SHLD2: variants seen among roughly 807,000 people sequenced by gnomAD.
The protein encoded by SHLD2 is shieldin complex subunit 2.
In SHLD2, 30 loss-of-function variants were observed where a neutral mutation model predicts 73.2. The observed-to-expected ratio is 0.41, with a 90% confidence interval of 0.31 to 0.56. The LOEUF (loss-of-function observed/expected upper bound fraction) is 0.56. Ranked by LOEUF, SHLD2 falls within the 20% of genes least tolerant of loss-of-function variation. SHLD2 has a pLI of 0.28. For missense variants in SHLD2, 745 were observed against 1,055.9 expected, an observed-to-expected ratio of 0.71 and a Z score of 4.08; for synonymous variants, 285 against 370.1, an observed-to-expected ratio of 0.77 and a Z score of 2.64.
intron 2 of SHLD2, among the ~76,000 whole-genome samples, chr10:87,146,639 C>T (rs4934305): frequency 0.14 from 21,073 of 151,418 alleles, 1,649 homozygotes; most frequent in Admixed American, 0.26. Flanking sequence ...TTAGTGTTAA[C>T]TGTATTTTAT....
Position 87,190,552 on chromosome 10 carries a change from G to T in SHLD2, c.2584G>T (p.Ala862Ser). Residue 862 changes from alanine to serine, a missense_variant, in exon 10 of 10, where the codon GCA becomes TCA. This residue lies in a region of SHLD2 where 418 missense variants were observed against 567.8 expected (regional missense o/e 0.74). Coordinates refer to ENST00000298786, the MANE Select transcript of SHLD2 (RefSeq NM_001330112.2). Reference sequence around the variant, plus strand: ...GTTCCACTCCTTGTTGGCAGTCAGCGCAGAACCTTGTGTATTAAAGATTCA... The same window carrying T: ...GTTCCACTCCTTGTTGGCAGTCAGCTCAGAACCTTGTGTATTAAAGATTCA... ...DLFHSLLAVS[A>S]EPCVLKIQSL... 6.2e-7 allele frequency: 1 copy of T among 1,611,908 alleles called. No individual in the cohort carries two copies. The highest frequency in any genetic ancestry group is 8.5e-7 in the Non-Finnish European group (1 of 1,179,812).
intron 2 of SHLD2, among the ~76,000 whole-genome samples, chr10:87,114,755 A>C (rs914855554): frequency 1.3e-5 from 2 of 152,084 alleles, no homozygotes; most frequent in Non-Finnish European, 1.5e-5. Flanking sequence ...ACAAAAAACC[A>C]GTCAGTACTC....
intron 2 of SHLD2, among the ~76,000 whole-genome samples, chr10:87,098,771 G>GTT (rs11411948): frequency 6.6e-6 from 1 of 151,600 alleles, no homozygotes; most frequent in Non-Finnish European, 1.5e-5. Context: ...GCAAAGTAAG[G>GTT]TTTTTTTTTA....
rs1161792762 is a variant in SHLD2, at chr10:87,158,040, C to T, written c.1526-8C>T. ...ATGGCATGATCAGAACGTTTTTTCT[C>T]TCTCTAGATGTTGTTATTCATGAGG... is the stretch of plus-strand genomic sequence containing the variant. On this transcript the variant is annotated splice_polypyrimidine_tract_variant and splice_region_variant and intron_variant, in intron 3 of 9. Transcript: ENST00000298786. 7 of 1,607,942 alleles carry T rather than the reference C, an allele frequency of 4.4e-6. No individual in the cohort carries two copies. The highest frequency in any genetic ancestry group is 5.9e-6 in the Non-Finnish European group (7 of 1,177,950).
In SHLD2 at chr10:87,167,803, C is replaced by T. The variant is rs569214046; in HGVS notation, c.1634-2675C>T. Among the ~76,000 whole-genome samples the T allele has an allele frequency of 8.5e-5, 13 of 152,132 alleles. No homozygotes were observed. The South Asian group carries it at 2.7e-3, about 32-fold the overall frequency. On this transcript the variant is annotated intron_variant, in intron 4 of 9. Transcript: ENST00000298786. ...GGGACTACAGGTGCATGCCCCCATG[C>T]CCAGCTAATTTTTGTATTTTTTGTA...
chr10:87,114,809 T>C (rs1250926733), intron 2 of SHLD2, among the ~76,000 whole-genome samples: 1 of 151,902 alleles, frequency 6.6e-6, no homozygotes, highest in Non-Finnish European at 1.5e-5. Flanking sequence ...TAGTAGTGAG[T>C]TGAAGATAAC....
At chr10:87,094,825 A>G, upstream of SHLD2, 1 of 1,326,024 alleles carries the variant, frequency 7.5e-7, no homozygotes, top group South Asian at 1.3e-5. The surrounding 1 kb of genome is among the most constrained non-coding windows in gnomAD (Gnocchi z 6.6). Flanking sequence ...GCTTTCTCAG[A>G]CTCCCCGCGA....
intron 7 of SHLD2, among the ~76,000 whole-genome samples, chr10:87,177,486 G>A (rs1848019124): frequency 6.6e-6 from 1 of 152,046 alleles, no homozygotes; most frequent in African/African-American, 2.4e-5. Flanking sequence ...ATTAAAATCA[G>A]TCCTTCAGAG....
intron 6 of SHLD2, among the ~76,000 whole-genome samples, chr10:87,172,114 T>C (rs1343166037): frequency 6.6e-6 from 1 of 152,180 alleles, no homozygotes. Flanking sequence ...AACATATGAA[T>C]CCAGGAATTA....
At chr10:87,109,203 C>T (rs1173503629) in intron 2 of SHLD2, among the ~76,000 whole-genome samples, 1 of 152,206 alleles carries the variant, frequency 6.6e-6, no homozygotes, top group Non-Finnish European at 1.5e-5. Flanking sequence ...TGGCTACAGT[C>T]CCTGGACCAT....
chr10:87,125,580 C>G (rs923109874), intron 2 of SHLD2, among the ~76,000 whole-genome samples: 2 of 152,098 alleles, frequency 1.3e-5, no homozygotes, highest in Non-Finnish European at 2.9e-5. Flanking sequence ...ACTGAAAATA[C>G]AAAAAAATGA....
intron 2 of SHLD2, among the ~76,000 whole-genome samples, chr10:87,108,493 T>A (rs1842737144): frequency 6.6e-6 from 1 of 152,096 alleles, no homozygotes; most frequent in Admixed American, 6.6e-5. Context: ...AGCCTAGAGA[T>A]GAGGTCTTGC....
intron 2 of SHLD2, among the ~76,000 whole-genome samples, chr10:87,149,161 T>G (rs1845842973): frequency 1.3e-5 from 2 of 151,866 alleles, no homozygotes; most frequent in Non-Finnish European, 2.9e-5. Context: ...GTGCGGGGAT[T>G]ACAGGCGTGA....
At chr10:87,189,978 CA>C (rs1243902422) in intron 9 of SHLD2, among the ~76,000 whole-genome samples, 2 of 152,088 alleles carry the variant, frequency 1.3e-5, no homozygotes, top group African/African-American at 4.8e-5. Context: ...TTTCTTGTGT[CA>C]GGGGGATCAC....
chr10:87,114,987 T>A (rs184504972), intron 2 of SHLD2, among the ~76,000 whole-genome samples: 56 of 152,230 alleles, frequency 3.7e-4, no homozygotes, highest in African/African-American at 1.2e-3. Flanking sequence ...GGTTGCCAAG[T>A]GGAGAGTTGA....
At chr10:87,130,780 C>T (rs1265195532) in intron 2 of SHLD2, among the ~76,000 whole-genome samples, 1 of 152,102 alleles carries the variant, frequency 6.6e-6, no homozygotes, top group Non-Finnish European at 1.5e-5. Flanking sequence ...CTTAAAAATA[C>T]CTGATGAGGG....
At chr10:87,135,221 C>T (rs1844718519) in intron 2 of SHLD2, among the ~76,000 whole-genome samples, 1 of 151,280 alleles carries the variant, frequency 6.6e-6, no homozygotes, top group South Asian at 2.1e-4. Flanking sequence ...TGAACTAATA[C>T]TGATATATTT....
intron 2 of SHLD2, among the ~76,000 whole-genome samples, chr10:87,135,406 C>A (rs1021895006): frequency 6.6e-6 from 1 of 151,878 alleles, no homozygotes; most frequent in East Asian, 1.9e-4. Flanking sequence ...TGTAGAATGT[C>A]CTTCTATTGA....
At chr10:87,111,707 G>T (rs547628942) in intron 2 of SHLD2, among the ~76,000 whole-genome samples, 1 of 150,458 alleles carries the variant, frequency 6.6e-6, no homozygotes, top group South Asian at 2.1e-4. Context: ...TGAATTCCTG[G>T]GCTCAAGCAA....
Sources: gnomAD v4.1 joint callset for allele counts (sites outside exome capture counted in the v4.1 genomes callset) on GRCh38, gnomAD v4.1.1 for gene constraint, gnomAD v4.1.1 regional missense constraint, Gnocchi (gnomAD v3.1) non-coding constraint, MANE v1.5 for transcripts, NCBI Gene and HGNC (gene_info 2026-07-23, HGNC 2026-07-21) for gene names.